AOX1: variants seen among roughly 807,000 people sequenced by gnomAD.
AOX1 encodes the protein aldehyde oxidase.
In AOX1, 153 loss-of-function variants were observed where a neutral mutation model predicts 169.5. The ratio of observed to expected loss-of-function variants is 0.90; its 90% CI spans 0.79 to 1.03. The LOEUF is 1.03. Among genes scored for constraint, AOX1 ranks in the 50% least tolerant of loss-of-function variants. The pLI, the probability that AOX1 is intolerant of heterozygous loss-of-function variation, is 0.00. For synonymous variants in AOX1, 562 were observed against 581.9 expected (o/e 0.97, Z 0.49); for missense variants, 1,656 against 1,663.9 (o/e 1.00, Z 0.08).
At chr2:200,659,119 G>C in intron 27 of AOX1, 46 bp from the exon 28 acceptor site, 1 of 1,601,524 alleles carries the variant, frequency 6.2e-7, no homozygotes, top group African/African-American at 1.3e-5. Flanking sequence ...GCACAGGTCT[G>C]TGACTAATCA....
intron 20 of AOX1, among the ~76,000 whole-genome samples, chr2:200,629,982 C>T (rs935788344): frequency 6.6e-6 from 1 of 152,008 alleles, no homozygotes; most frequent in Non-Finnish European, 1.5e-5. Flanking sequence ...CAGTAGCTCA[C>T]GTCTATAATC....
intron 25 of AOX1, among the ~76,000 whole-genome samples, chr2:200,644,701 T>C (rs1208534725): frequency 6.6e-6 from 1 of 152,186 alleles, no homozygotes; most frequent in East Asian, 1.9e-4. Flanking sequence ...GTGTTTCCAT[T>C]TGTTTGTGTC....
chr2:200,593,168 C>T lies in AOX1; in HGVS notation c.68C>T (p.Pro23Leu). 1 of 1,613,642 alleles carries T rather than the reference C, an allele frequency of 6.2e-7. No homozygotes were observed. Among genetic ancestry groups the T allele is most frequent in the South Asian group, 1.1e-5 (1 of 91,056 alleles). The change falls in exon 2 of 35, where the codon CCT becomes CTT. Residue 23 changes from proline to leucine, a missense_variant. Coordinates refer to ENST00000374700, the MANE Select transcript of AOX1 (RefSeq NM_001159.4). The part of the protein sequence containing the change: ...GRKVIEKNVD[P>L]ETMLLPYLRK... ...TAGGTGATAGAAAAAAATGTCGATC[C>T]TGAAACAATGCTGTTGCCTTATTTG...
At chr2:200,620,496 A>G (rs2034864014) in intron 16 of AOX1, among the ~76,000 whole-genome samples, 154 bp from the exon 17 acceptor site, 1 of 152,204 alleles carries the variant, frequency 6.6e-6, no homozygotes, top group East Asian at 1.9e-4. Flanking sequence ...GGCATGAGCC[A>G]CTGTGCCCAG....
downstream of AOX1, among the ~76,000 whole-genome samples, chr2:200,679,658 C>G (rs565772615): frequency 2.7e-5 from 4 of 150,534 alleles, no homozygotes; most frequent in South Asian, 8.4e-4. Flanking sequence ...GTAGTGACGC[C>G]CCCCCCCGAG....
At chr2:200,623,735 G>T in intron 18 of AOX1, 126 bp from the exon 19 acceptor site, 3 of 1,431,084 alleles carry the variant, frequency 2.1e-6, no homozygotes, top group Non-Finnish European at 2.9e-6. Context: ...ATGTGGAGGG[G>T]TCACACCTGT....
At chr2:200,614,070 C>A in intron 15 of AOX1, 104 bp downstream of exon 15, 1 of 1,114,204 alleles carries the variant, frequency 9.0e-7, no homozygotes, top group Non-Finnish European at 1.3e-6. Context: ...ATAAAAAAGA[C>A]AATCCACATT....
chr2:200,636,973 T>C lies in AOX1; in HGVS notation c.2409T>C (p.Val803=). ...AGGTCATGTGCCATGTAAGGCGTGT[T>C]GGTGGAGCGTTTGGAGGGAAGGTGT... is the stretch of plus-strand genomic sequence containing the variant. ...ANKVMCHVRR[V]GGAFGGKVLK... Residue 803 remains valine, a synonymous_variant, in exon 22 of 35, where the codon GTT becomes GTC. Coordinates refer to ENST00000374700, the MANE Select transcript of AOX1 (RefSeq NM_001159.4). The C allele has an allele frequency of 6.2e-7, 1 of 1,614,128 alleles. No homozygotes were observed. The highest frequency in any genetic ancestry group is 8.5e-7 in the Non-Finnish European group (1 of 1,180,002).
intron 12 of AOX1, among the ~76,000 whole-genome samples, chr2:200,609,825 C>G (rs572551448): frequency 1.3e-5 from 2 of 152,164 alleles, no homozygotes; most frequent in African/African-American, 4.8e-5. Context: ...TTGATGGAAA[C>G]ATACAGGTCT....
Position 200,597,429 on chromosome 2 carries a change from T to C in AOX1, c.233T>C (p.Ile78Thr), listed in dbSNP as rs201859570. Residue 78 changes from isoleucine to threonine, a missense_variant, in exon 4 of 35, where the codon ATC becomes ACC. Physicochemically the swap from Ile to Thr is moderately conservative, Grantham distance 89. Transcript: ENST00000374700. ...CCAGCCAATGCCTGTCTGATTCCCA[T>C]CTGTTCTCTGTATGGTGCTGCCGTC... The part of the protein sequence containing the change: ...HHPANACLIP[I>T]CSLYGAAVTT... 7.1e-5 allele frequency: 115 copies of C among 1,610,696 alleles called. No individual in the cohort carries two copies. The East Asian group carries it at 2.2e-3, about 31-fold the overall frequency.
At chr2:200,672,078 C>G (rs1425617466), downstream of AOX1, among the ~76,000 whole-genome samples, 1 of 152,146 alleles carries the variant, frequency 6.6e-6, no homozygotes, top group Non-Finnish European at 1.5e-5. Context: ...TCCATCTATA[C>G]AAAATGTCCA....
In AOX1 at chr2:200,656,843, C is replaced by T. The variant is rs2035696789; in HGVS notation, c.3077C>T (p.Ala1026Val). 1.3e-6 allele frequency: 2 copies of T among 1,560,852 alleles called. No individual in the cohort carries two copies. Among genetic ancestry groups the T allele is most frequent in the East Asian group, 4.8e-5 (2 of 41,986 alleles). Residue 1026 changes from alanine to valine, a missense_variant and splice_region_variant, in exon 27 of 35, where the codon GCT becomes GTT. Transcript: ENST00000374700. ...ACAGTTTTCGTCTTTTCTGCTCAGG[C>T]TGCTGCCTTGGTTCACATTTATCTT... is the stretch of plus-strand genomic sequence containing the variant. ...VGLGSRAAGQ[A>V]AALVHIYLDG...
chr2:200,588,813 C>A (rs1488179318), intron 1 of AOX1, among the ~76,000 whole-genome samples: 4 of 143,374 alleles, frequency 2.8e-5, no homozygotes, highest in African/African-American at 7.6e-5. Context: ...CACCCACCAC[C>A]ACGCTAATTT....
At chr2:200,655,833 C>A (rs917418159) in intron 26 of AOX1, among the ~76,000 whole-genome samples, 4 of 152,154 alleles carry the variant, frequency 2.6e-5, no homozygotes, top group Non-Finnish European at 5.9e-5. Flanking sequence ...GAAATGCAGT[C>A]TTTTTCTTGG....
At position 200,668,692 on chromosome 2, in the gene AOX1, C is replaced by T. The variant is rs1458799301; in HGVS notation, c.3687C>T (p.His1229=). The change falls in exon 33 of 35, where the codon CAC becomes CAT. Residue 1229 remains histidine (H), a synonymous_variant. Coordinates refer to ENST00000374700, the MANE Select transcript of AOX1 (RefSeq NM_001159.4). ...ELNYSPQGIL[H]TRGPDQYKIP... ...ATTATTCTCCCCAGGGCATTCTGCA[C>T]ACTCGTGGTCCAGACCAATATAAAA... The T allele has an allele frequency of 5.0e-6, 8 of 1,614,186 alleles. No individual in the cohort carries two copies. The South Asian group carries it at 8.8e-5, about 18-fold the overall frequency.
chr2:200,644,983 G>A (rs765674813), intron 25 of AOX1, among the ~76,000 whole-genome samples: 10 of 151,996 alleles, frequency 6.6e-5, no homozygotes, highest in African/African-American at 7.3e-5. Flanking sequence ...TGATTATATC[G>A]TCAGCAAACA....
chr2:200,597,856 C>T (rs2034318907), intron 4 of AOX1, among the ~76,000 whole-genome samples: 1 of 152,180 alleles, frequency 6.6e-6, no homozygotes, highest in Admixed American at 6.5e-5. Context: ...CACCTGTAAT[C>T]CCAACACTTT....
intron 29 of AOX1, 124 bp downstream of exon 29, chr2:200,660,193 T>C (rs2035793369): frequency 1.3e-6 from 1 of 783,178 alleles, no homozygotes; most frequent in Admixed American, 2.6e-5. Flanking sequence ...CATTGTGTAA[T>C]GATAAATAAA....
chr2:200,672,842 G>T (rs187506015), downstream of AOX1, among the ~76,000 whole-genome samples: 4 of 152,182 alleles, frequency 2.6e-5, no homozygotes, highest in African/African-American at 9.7e-5. Context: ...TCTGGAGGAA[G>T]AGCATTACTG....
Sources: gnomAD v4.1 joint callset for allele counts (sites outside exome capture counted in the v4.1 genomes callset) on GRCh38, gnomAD v4.1.1 for gene constraint, MANE v1.5 for transcripts, NCBI Gene and HGNC (gene_info 2026-07-23, HGNC 2026-07-21) for gene names.